LHFPL2: variants seen among roughly 807,000 people sequenced by gnomAD.
LHFPL2 encodes the protein LHFPL tetraspan subfamily member 2 protein.
In LHFPL2, 7 loss-of-function variants were observed where a neutral mutation model predicts 17.5. The ratio of observed to expected loss-of-function variants is 0.40; its 90% confidence interval spans 0.23 to 0.75. The LOEUF is 0.75. Ranked by LOEUF, LHFPL2 falls within the 30% of genes least tolerant of loss-of-function variation. LHFPL2 has a pLI of 0.37. For synonymous variants in LHFPL2, 134 were observed against 116.2 expected (o/e 1.15, Z -0.99); for missense variants, 241 against 294.8 (o/e 0.82, Z 1.34).
At chr5:78,499,702 GT>G (rs1373756214) in intron 4 of LHFPL2, among the ~76,000 whole-genome samples, 3 of 152,208 alleles carry the variant, frequency 2.0e-5, no homozygotes, top group Non-Finnish European at 2.9e-5. Context: ...GCCGTGAGGG[GT>G]TATGGAGAGT....
chr5:78,541,918 A>AT (rs773896827), intron 3 of LHFPL2, among the ~76,000 whole-genome samples: 87 of 152,052 alleles, frequency 5.7e-4, no homozygotes, highest in Non-Finnish European at 2.6e-4. Flanking sequence ...GTTAAGTTAC[A>AT]TTTTTTTTAT....
At chr5:78,605,448 T>C (rs964210427) in intron 2 of LHFPL2, among the ~76,000 whole-genome samples, 2 of 152,276 alleles carry the variant, frequency 1.3e-5, no homozygotes, top group East Asian at 1.9e-4. Flanking sequence ...TGTGCCACCA[T>C]AGGCTGACAA....
rs915194281 is a variant in LHFPL2, at chr5:78,486,064, C to T, written c.*2833G>A. The T allele has an allele frequency of 6.6e-6, 1 of 152,586 alleles. No homozygotes were observed. Among genetic ancestry groups the T allele is most frequent in the African/African-American group, 2.4e-5 (1 of 41,430 alleles). 9.5% of individuals were successfully genotyped at this position (152,586 alleles called of 1,614,324 possible). On this transcript the variant is annotated 3_prime_UTR_variant, in exon 5 of 5. Transcript: ENST00000380345. Reference sequence around the variant, plus strand: ...CCTTTGTTATTGCACATCTTTCACACAAACTTGTGTATGTATAATATACAT... The same window carrying T: ...CCTTTGTTATTGCACATCTTTCACATAAACTTGTGTATGTATAATATACAT...
chr5:78,537,223 C>T (rs1175427257), intron 3 of LHFPL2, among the ~76,000 whole-genome samples: 1 of 152,198 alleles, frequency 6.6e-6, no homozygotes, highest in Non-Finnish European at 1.5e-5. Flanking sequence ...GAAGCTTTCT[C>T]CGAGGGGCCC....
At chr5:78,548,989 G>GT (rs1756363989) in intron 3 of LHFPL2, 1 of 152,190 alleles carries the variant, frequency 6.6e-6, no homozygotes, top group African/African-American at 2.4e-5. Context: ...CTATTGTTGA[G>GT]TAACAAAGTG....
intron 3 of LHFPL2, among the ~76,000 whole-genome samples, chr5:78,535,490 A>T (rs577319629): frequency 2.0e-4 from 31 of 151,738 alleles, no homozygotes; most frequent in Non-Finnish European, 3.7e-4. Flanking sequence ...ACGACCTAGG[A>T]CCCCCTCTCC....
intron 4 of LHFPL2, among the ~76,000 whole-genome samples, chr5:78,497,352 A>G (rs1276766895): frequency 6.6e-6 from 1 of 152,060 alleles, no homozygotes; most frequent in East Asian, 1.9e-4. Flanking sequence ...CCCTCTCACT[A>G]TTCCAGCATA....
chr5:78,551,463 A>G (rs1186622078), intron 3 of LHFPL2, among the ~76,000 whole-genome samples: 1 of 152,074 alleles, frequency 6.6e-6, no homozygotes, highest in African/African-American at 2.4e-5. Context: ...TCTGGGGGCC[A>G]CTTCAGCTCC....
chr5:78,510,731 A>T (rs957991936), intron 3 of LHFPL2, among the ~76,000 whole-genome samples: 1 of 151,558 alleles, frequency 6.6e-6, no homozygotes, highest in Non-Finnish European at 1.5e-5. Context: ...CTCATCTTTT[A>T]CTGGAAAAAG....
intron 2 of LHFPL2, among the ~76,000 whole-genome samples, chr5:78,572,657 G>A (rs141665672): frequency 6.8e-4 from 103 of 152,110 alleles, no homozygotes; most frequent in African/African-American, 2.3e-3. Flanking sequence ...ATTTACACCA[G>A]GCTGTGTTTT....
chr5:78,572,496 G>A (rs1757025649), intron 2 of LHFPL2, among the ~76,000 whole-genome samples: 1 of 141,880 alleles, frequency 7.0e-6, no homozygotes, highest in Non-Finnish European at 1.5e-5. Context: ...ATATATATGT[G>A]TGTATATATA....
chr5:78,531,925 T>TG (rs1472265169), intron 3 of LHFPL2, among the ~76,000 whole-genome samples: 5 of 148,286 alleles, frequency 3.4e-5, no homozygotes, highest in African/African-American at 1.0e-4. Context: ...CATGCCCGGC[T>TG]AATTTTTTTT....
intron 1 of LHFPL2, among the ~76,000 whole-genome samples, chr5:78,634,789 A>G (rs1243888880): frequency 6.6e-6 from 1 of 152,246 alleles, no homozygotes; most frequent in Admixed American, 6.5e-5. Context: ...GGCAGAACAG[A>G]CAGTTCTTAT....
intron 3 of LHFPL2, among the ~76,000 whole-genome samples, chr5:78,532,208 G>A (rs1755804453): frequency 6.6e-6 from 1 of 152,060 alleles, no homozygotes; most frequent in South Asian, 2.1e-4. Context: ...ACAGGTGTGA[G>A]CCACTGCGCC....
intron 4 of LHFPL2, among the ~76,000 whole-genome samples, chr5:78,499,380 CTA>C (rs1754703649): frequency 6.6e-6 from 1 of 152,184 alleles, no homozygotes; most frequent in Non-Finnish European, 1.5e-5. Flanking sequence ...GATAGCAATC[CTA>C]TGAGGCTGAT....
intron 4 of LHFPL2, among the ~76,000 whole-genome samples, chr5:78,498,411 C>A (rs115954896): frequency 1.1e-4 from 17 of 152,296 alleles, no homozygotes; most frequent in African/African-American, 4.1e-4. Context: ...CTGTTTTCTA[C>A]GTTTTTAATC....
chr5:78,638,901 T>C (rs1453510288), intron 1 of LHFPL2, among the ~76,000 whole-genome samples: 1 of 152,102 alleles, frequency 6.6e-6, no homozygotes, highest in Non-Finnish European at 1.5e-5. Flanking sequence ...ATGATCAAGG[T>C]TTCAAAAATC....
intron 2 of LHFPL2, among the ~76,000 whole-genome samples, chr5:78,581,501 A>AG (rs1052377500): frequency 6.6e-6 from 1 of 151,952 alleles, no homozygotes; most frequent in African/African-American, 2.4e-5. Flanking sequence ...TTTAGCATGA[A>AG]GTTGTTGAAT....
At chr5:78,633,116 C>A (rs1218575771) in intron 1 of LHFPL2, among the ~76,000 whole-genome samples, 4 of 152,186 alleles carry the variant, frequency 2.6e-5, no homozygotes, top group Admixed American at 2.6e-4. Context: ...GTTCAGACAG[C>A]TTTCAGCAAC....
Sources: gnomAD v4.1 joint callset for allele counts (sites outside exome capture counted in the v4.1 genomes callset) on GRCh38, gnomAD v4.1.1 for gene constraint, MANE v1.5 for transcripts, NCBI Gene and HGNC (gene_info 2026-07-23, HGNC 2026-07-21) for gene names.